PRKAA2: variants seen among roughly 807,000 people sequenced by gnomAD.
The protein encoded by PRKAA2 is 5'-AMP-activated protein kinase catalytic subunit alpha-2.
In PRKAA2, 40 loss-of-function variants were observed where a neutral mutation model predicts 56.3. The observed-to-expected ratio is 0.71, with a 90% confidence interval of 0.55 to 0.92. The LOEUF (loss-of-function observed/expected upper bound fraction) is 0.92, where lower values mean the gene tolerates loss of function less well. Ranked by LOEUF, PRKAA2 falls within the 40% of genes least tolerant of loss-of-function variation. PRKAA2 has a pLI of 0.00. For missense variants in PRKAA2, 542 were observed against 686.9 expected, an observed-to-expected ratio of 0.79 and a Z score of 2.36; for synonymous variants, 214 against 234.2, an observed-to-expected ratio of 0.91 and a Z score of 0.79.
At chr1:56,666,563 T>A (rs549031367) in intron 1 of PRKAA2, among the ~76,000 whole-genome samples, 1 of 152,336 alleles carries the variant, frequency 6.6e-6, no homozygotes, top group African/African-American at 2.4e-5. Flanking sequence ...TTTAATGGCA[T>A]TTATGTATTC....
At chr1:56,686,422 G>T (rs1443994221) in intron 2 of PRKAA2, among the ~76,000 whole-genome samples, 1 of 152,164 alleles carries the variant, frequency 6.6e-6, no homozygotes, top group Non-Finnish European at 1.5e-5. Context: ...GTTCGTGTTA[G>T]TCCATTTTTA....
chr1:56,689,897 G>GACACACACAC (rs3034077), intron 2 of PRKAA2, among the ~76,000 whole-genome samples: 1 of 147,046 alleles, frequency 6.8e-6, no homozygotes, highest in African/African-American at 2.5e-5. Flanking sequence ...CAGACACACA[G>GACACACACAC]ACACACACAC....
chr1:56,700,620 T>G (rs977737719), intron 6 of PRKAA2, among the ~76,000 whole-genome samples: 1 of 152,238 alleles, frequency 6.6e-6, no homozygotes, highest in Non-Finnish European at 1.5e-5. Flanking sequence ...TGTTAGACAG[T>G]TGCCATTGAT....
chr1:56,713,325 CTAATGT>C lies in PRKAA2; in HGVS notation c.*5620_*5625del, dbSNP rs1484947875. On this transcript the variant is annotated 3_prime_UTR_variant, in exon 9 of 9. Transcript: ENST00000371244. The stretch of plus-strand genomic sequence containing the variant: ...TGTAGGCCTGTATTAATTTTGCAAG[CTAATGT>C]TAATGTTTACTGCCAGCCTTGCATA... 2 of 152,090 alleles carry C rather than the reference CTAATGT, an allele frequency of 1.3e-5. No homozygotes were observed. Among genetic ancestry groups the C allele is most frequent in the Admixed American group, 1.3e-4 (2 of 15,248 alleles). The allele number at this position is 152,090 out of a possible 1,614,324, so 9.4% of individuals were successfully genotyped here.
intron 1 of PRKAA2, among the ~76,000 whole-genome samples, chr1:56,659,269 T>TG (rs1298311484): frequency 9.9e-5 from 15 of 151,526 alleles, no homozygotes; most frequent in Admixed American, 9.8e-4. Context: ...CCGAGGCAGG[T>TG]GAATCACATG....
rs4403650 is a variant in PRKAA2 at position 56,692,342 on chromosome 1, C to A, written c.331-16C>A. Reference sequence around the variant, plus strand: ...GCCCCAGATATTCTTAATGCAGTTTCTTTTGTGCTTGATAGGTTGAAGAGA... The same window carrying A: ...GCCCCAGATATTCTTAATGCAGTTTATTTTGTGCTTGATAGGTTGAAGAGA... On this transcript the variant is annotated splice_polypyrimidine_tract_variant and intron_variant, in intron 3 of 8. Coordinates refer to ENST00000371244, the MANE Select transcript of PRKAA2 (RefSeq NM_006252.4). The A allele has an allele frequency of 1.2e-6, 2 of 1,613,622 alleles. No individual in the cohort carries two copies. Among genetic ancestry groups the A allele is most frequent in the Non-Finnish European group, 1.7e-6 (2 of 1,179,808 alleles).
chr1:56,690,809 A>G (rs986645407), intron 2 of PRKAA2, among the ~76,000 whole-genome samples: 13 of 152,192 alleles, frequency 8.5e-5, no homozygotes, highest in Non-Finnish European at 1.5e-5. Context: ...CTGGTAAAAT[A>G]CTGACTTTAG....
At chr1:56,663,145 G>C (rs1364286949) in intron 1 of PRKAA2, among the ~76,000 whole-genome samples, 2 of 152,082 alleles carry the variant, frequency 1.3e-5, no homozygotes, top group Non-Finnish European at 2.9e-5. Flanking sequence ...TGAGGCTGGA[G>C]GGCAGTGGCG....
intron 1 of PRKAA2, among the ~76,000 whole-genome samples, chr1:56,648,451 C>T (rs146748505): frequency 1.0e-3 from 155 of 152,276 alleles, no homozygotes; most frequent in Non-Finnish European, 1.8e-3. Context: ...TTTGTCTATA[C>T]AAAACCAGTT....
chr1:56,696,792 A>G (rs1644261443), intron 6 of PRKAA2, among the ~76,000 whole-genome samples: 1 of 152,100 alleles, frequency 6.6e-6, no homozygotes, highest in South Asian at 2.1e-4. Flanking sequence ...GAAAGTTTGG[A>G]AAGTGCCATT....
At chr1:56,665,383 C>G (rs1041620040) in intron 1 of PRKAA2, among the ~76,000 whole-genome samples, 1 of 152,116 alleles carries the variant, frequency 6.6e-6, no homozygotes, top group Non-Finnish European at 1.5e-5. Context: ...CTAGCTAGTA[C>G]CTTTCTAAAG....
chr1:56,676,430 G>A (rs1231451011), intron 2 of PRKAA2, among the ~76,000 whole-genome samples: 3 of 152,214 alleles, frequency 2.0e-5, no homozygotes, highest in East Asian at 3.8e-4. Context: ...GGGAGCATGA[G>A]TCAATGAATG....
chr1:56,689,575 C>T lies in PRKAA2; in HGVS notation c.237-1819C>T, dbSNP rs544077139. On this transcript the variant is annotated intron_variant, in intron 2 of 8. Coordinates refer to ENST00000371244, the MANE Select transcript of PRKAA2 (RefSeq NM_006252.4). ...CTCTACTAAAAATACAAAAATTAGC[C>T]GGGCATGGTGGTGCATGCCTGTAGT... 1.1e-4 allele frequency among the ~76,000 whole-genome samples: 17 copies of T among 151,956 alleles called. 1 individual carries two copies. The highest frequency in any genetic ancestry group is 9.8e-4 in the Admixed American group (15 of 15,252).
At position 56,704,298 on chromosome 1, in the gene PRKAA2, T is replaced by C. The variant is rs1197207570; in HGVS notation, c.1116T>C (p.Pro372=). 6.2e-7 allele frequency: 1 copy of C among 1,613,942 alleles called. No homozygotes were observed. Among genetic ancestry groups the C allele is most frequent in the Non-Finnish European group, 8.5e-7 (1 of 1,180,016 alleles). The change falls in exon 7 of 9, where the codon CCT becomes CCC. Residue 372 remains proline, a synonymous_variant. Coordinates refer to ENST00000371244, the MANE Select transcript of PRKAA2 (RefSeq NM_006252.4). ...AACCTCATCCAGAAAGGATGCCACC[T>C]CTTATAGCAGACAGCCCCAAAGCAA... ...GLKPHPERMP[P]LIADSPKARC...
Position 56,714,799 on chromosome 1 carries a change from T to A in PRKAA2, c.*7086T>A, listed in dbSNP as rs1644395033. ...TACAGTGGATTTTGAATGCAACAAA[T>A]AAAACTGAAAACAGCCATTTGGTTG... is the stretch of plus-strand genomic sequence containing the variant. On this transcript the variant is annotated 3_prime_UTR_variant, in exon 9 of 9. Transcript: ENST00000371244. 2 of 152,116 alleles carry A rather than the reference T, an allele frequency of 1.3e-5. No individual in the cohort carries two copies. The highest frequency in any genetic ancestry group is 4.1e-4 in the South Asian group (2 of 4,824). The allele number at this position is 152,116 out of a possible 1,614,324, so 9.4% of individuals were successfully genotyped here.
At chr1:56,667,482 G>A (rs539785702) in intron 1 of PRKAA2, among the ~76,000 whole-genome samples, 17 of 152,118 alleles carry the variant, frequency 1.1e-4, no homozygotes, top group Non-Finnish European at 2.1e-4. Context: ...TAATATGATA[G>A]CATTATTTCA....
chr1:56,706,025 T>C, intron 7 of PRKAA2, 67 bp from the exon 8 acceptor site: 1 of 1,398,014 alleles, frequency 7.2e-7, no homozygotes, highest in Non-Finnish European at 9.8e-7. Flanking sequence ...ATTATTTGTT[T>C]TGACTTTTTT....
Position 56,704,086 on chromosome 1 carries a change from T to A in PRKAA2, c.904T>A (p.Cys302Ser), listed in dbSNP as rs1644315039. The A allele has an allele frequency of 1.9e-6, 3 of 1,614,086 alleles. No individual in the cohort carries two copies. Among genetic ancestry groups the A allele is most frequent in the African/African-American group, 1.3e-5 (1 of 74,936 alleles). The change falls in exon 7 of 9, where the codon TGT becomes AGT. Residue 302 changes from cysteine (C) to serine (S), a missense_variant. By Grantham distance (112) the Cys-to-Ser change is moderately radical. Around this residue, in one of 5 missense-constraint regions of PRKAA2, gnomAD observed 198 missense variants for 234.0 expected, o/e 0.85. Coordinates refer to ENST00000371244, the MANE Select transcript of PRKAA2 (RefSeq NM_006252.4). ...GAAAGAAGTGTGTGAAAAATTTGAA[T>A]GTACAGAATCAGAAGTAATGAACAG... ...AVKEVCEKFE[C>S]TESEVMNSLY... is the part of the protein sequence containing the mutation.
At chr1:56,684,614 A>G (rs1644178642) in intron 2 of PRKAA2, among the ~76,000 whole-genome samples, 1 of 152,160 alleles carries the variant, frequency 6.6e-6, no homozygotes, top group Non-Finnish European at 1.5e-5. Flanking sequence ...TGTTTTAGGA[A>G]AGATCACCAA....
Sources: allele counts gnomAD v4.1 joint callset (sites outside exome capture counted in the v4.1 genomes callset), GRCh38; gene constraint gnomAD v4.1.1; regional missense constraint gnomAD v4.1.1; transcripts MANE v1.5; gene names NCBI Gene and HGNC (gene_info 2026-07-23, HGNC 2026-07-21).